Variants in SGCZ observed in about 807,000 individuals in gnomAD.
SGCZ encodes the protein sarcoglycan zeta.
Under a neutral mutation model 41.3 loss-of-function variants are expected in SGCZ, and 40 were observed. The observed-to-expected ratio is 0.97, with a 90% CI of 0.75 to 1.26. SGCZ has a LOEUF of 1.26. SGCZ is among the 50% of genes most tolerant of loss of function. The probability of loss-of-function intolerance (pLI) is 0.00; values close to 1 mark genes in which losing one functional copy is unlikely to be tolerated. For missense variants in SGCZ, 552 were observed against 369.8 expected (o/e 1.49, Z -4.04); for synonymous variants, 206 against 137.5 (o/e 1.50, Z -3.49).
intron 3 of SGCZ, among the ~76,000 whole-genome samples, chr8:14,253,974 A>G (rs1799376793): frequency 6.6e-6 from 1 of 152,182 alleles, no homozygotes; most frequent in South Asian, 2.1e-4. Context: ...ATGCAATCTG[A>G]AGAACAAACA....
intron 1 of SGCZ, among the ~76,000 whole-genome samples, chr8:15,021,033 T>A (rs990991094): frequency 6.6e-6 from 1 of 152,170 alleles, no homozygotes; most frequent in Non-Finnish European, 1.5e-5. Context: ...CTTTAGACAG[T>A]GTTTTATCCC....
rs180861314 is a variant in SGCZ at position 14,400,316 on chromosome 8, A to G, written c.235-76112T>C. Among the ~76,000 whole-genome samples the G allele has an allele frequency of 2.7e-3, 408 of 152,298 alleles. 2 individuals carry two copies. Among genetic ancestry groups the G allele is most frequent in the African/African-American group, 9.1e-3 (379 of 41,586 alleles). On this transcript the variant is annotated intron_variant, in intron 2 of 7. Coordinates refer to ENST00000382080, the MANE Select transcript of SGCZ (RefSeq NM_139167.4). ...GGCTATTAAGAATAATACACATACA[A>G]GCATGCATGAACAAGATTTTGTGTG...
At chr8:14,239,775 G>C (rs1035389775) in intron 3 of SGCZ, among the ~76,000 whole-genome samples, 1 of 149,024 alleles carries the variant, frequency 6.7e-6, no homozygotes, top group Admixed American at 6.7e-5. Flanking sequence ...AGTGGCGGGC[G>C]CCTGTAGTCC....
intron 2 of SGCZ, among the ~76,000 whole-genome samples, chr8:14,405,966 A>T (rs1323312050): frequency 6.6e-6 from 1 of 152,152 alleles, no homozygotes; most frequent in African/African-American, 2.4e-5. Flanking sequence ...TACCTTTGTC[A>T]TATTTATTTA....
chr8:14,428,181 T>C (rs1799843182), intron 2 of SGCZ, among the ~76,000 whole-genome samples: 1 of 151,678 alleles, frequency 6.6e-6, no homozygotes, highest in Admixed American at 6.6e-5. Flanking sequence ...CATGCATATA[T>C]ATTTATATGC....
At chr8:14,623,104 G>T (rs545206642) in intron 1 of SGCZ, among the ~76,000 whole-genome samples, 2 of 152,068 alleles carry the variant, frequency 1.3e-5, no homozygotes, top group African/African-American at 4.8e-5. Flanking sequence ...CAATTCAGTC[G>T]CTTTGAACTT....
At chr8:14,370,930 T>G (rs1046467533) in intron 2 of SGCZ, among the ~76,000 whole-genome samples, 3 of 152,036 alleles carry the variant, frequency 2.0e-5, no homozygotes, top group African/African-American at 4.8e-5. Flanking sequence ...AATTTCACAG[T>G]GCATGTCTAA....
At chr8:14,877,804 C>G (rs899713072) in intron 1 of SGCZ, among the ~76,000 whole-genome samples, 2 of 151,936 alleles carry the variant, frequency 1.3e-5, no homozygotes, top group African/African-American at 2.4e-5. Flanking sequence ...TTTTATGGGA[C>G]AAATGATAAG....
intron 1 of SGCZ, among the ~76,000 whole-genome samples, chr8:14,917,051 T>C (rs1037537072): frequency 2.0e-5 from 3 of 152,098 alleles, no homozygotes; most frequent in Admixed American, 2.0e-4. Flanking sequence ...AACAGACAGC[T>C]TGACATATAC....
intron 5 of SGCZ, among the ~76,000 whole-genome samples, chr8:14,111,573 T>G (rs939232450): frequency 2.0e-5 from 3 of 152,160 alleles, no homozygotes; most frequent in South Asian, 4.1e-4. Context: ...TTCAAAAGGG[T>G]ACAATGTTCA....
At chr8:14,447,654 C>T (rs1397752069) in intron 2 of SGCZ, among the ~76,000 whole-genome samples, 1 of 152,066 alleles carries the variant, frequency 6.6e-6, no homozygotes, top group African/African-American at 2.4e-5. Context: ...TTGCATGATC[C>T]ACAATGAAGG....
chr8:14,205,021 G>T (rs1805573452), intron 4 of SGCZ, among the ~76,000 whole-genome samples: 1 of 152,076 alleles, frequency 6.6e-6, no homozygotes, highest in Non-Finnish European at 1.5e-5. Context: ...CTGTTTGTCT[G>T]TCTATCTATT....
At chr8:14,784,027 A>C (rs1321513240) in intron 1 of SGCZ, among the ~76,000 whole-genome samples, 1 of 150,902 alleles carries the variant, frequency 6.6e-6, no homozygotes, top group Non-Finnish European at 1.5e-5. Flanking sequence ...CTAACCTTTA[A>C]ATTTCAGATT....
chr8:14,609,430 A>T (rs915134243), intron 1 of SGCZ, among the ~76,000 whole-genome samples: 1 of 152,160 alleles, frequency 6.6e-6, no homozygotes, highest in Non-Finnish European at 1.5e-5. Flanking sequence ...TGAAAGGAAG[A>T]TGTTAGGCAA....
At chr8:15,076,111 T>C (rs746161369) in intron 1 of SGCZ, among the ~76,000 whole-genome samples, 1 of 152,170 alleles carries the variant, frequency 6.6e-6, no homozygotes, top group African/African-American at 2.4e-5. Flanking sequence ...CTCACATCTA[T>C]GAAGATGAAG....
intron 2 of SGCZ, among the ~76,000 whole-genome samples, chr8:14,344,536 C>A (rs988984373): frequency 4.0e-5 from 6 of 151,896 alleles, no homozygotes; most frequent in South Asian, 2.1e-4. Context: ...AAATTAACGA[C>A]CAACCTACAC....
At chr8:14,198,255 C>T (rs957220913) in intron 4 of SGCZ, among the ~76,000 whole-genome samples, 3 of 152,118 alleles carry the variant, frequency 2.0e-5, no homozygotes, top group Admixed American at 6.6e-5. Flanking sequence ...TAGTCATTTG[C>T]AAGTTTTTCA....
intron 1 of SGCZ, among the ~76,000 whole-genome samples, chr8:14,593,390 C>G (rs1200784345): frequency 6.6e-6 from 1 of 152,162 alleles, no homozygotes; most frequent in African/African-American, 2.4e-5. Flanking sequence ...AGACACAGAA[C>G]TTCTGGCGTC....
intron 4 of SGCZ, among the ~76,000 whole-genome samples, chr8:14,228,519 T>C (rs13280543): frequency 0.39 from 59,911 of 151,954 alleles, 12,197 homozygotes; most frequent in Non-Finnish European, 0.44. Flanking sequence ...TATATAATTA[T>C]CAAATTAATA....
Sources: gnomAD v4.1 joint callset for allele counts (sites outside exome capture counted in the v4.1 genomes callset) on GRCh38, gnomAD v4.1.1 for gene constraint, MANE v1.5 for transcripts, NCBI Gene and HGNC (gene_info 2026-07-23, HGNC 2026-07-21) for gene names.